The following SEMA3E variants were observed in gnomAD, a reference collection of about 807,000 sequenced individuals.
The protein encoded by SEMA3E is semaphorin-3E.
In SEMA3E, 49 loss-of-function variants were observed where a neutral mutation model predicts 93.6. That is an observed-to-expected ratio of 0.52 (90% CI 0.42 to 0.66). SEMA3E has a LOEUF of 0.66. Among genes scored for constraint, SEMA3E ranks in the 30% least tolerant of loss-of-function variants. The pLI is 0.00. For synonymous variants in SEMA3E, 363 were observed against 330.7 expected, an observed-to-expected ratio of 1.10 and a Z score of -1.06; for missense variants, 906 against 964.8, an observed-to-expected ratio of 0.94 and a Z score of 0.81.
At chr7:83,593,262 C>CTCTCTG (rs141583106) in intron 1 of SEMA3E, among the ~76,000 whole-genome samples, 19 of 95,678 alleles carry the variant, frequency 2.0e-4, no homozygotes, top group African/African-American at 8.9e-4. Context: ...CTCTCTCTGT[C>CTCTCTG]TCTCTCTCTC....
chr7:83,508,976 T>C (rs1790758496), intron 1 of SEMA3E, among the ~76,000 whole-genome samples: 1 of 152,148 alleles, frequency 6.6e-6, no homozygotes, highest in South Asian at 2.1e-4. Flanking sequence ...GGGTTTAATC[T>C]AATGGGCAAG....
chr7:83,497,491 A>G (rs1039152222), intron 1 of SEMA3E, among the ~76,000 whole-genome samples: 2 of 152,184 alleles, frequency 1.3e-5, no homozygotes, highest in Non-Finnish European at 2.9e-5. Flanking sequence ...AATTTCAGTC[A>G]GTAAGCATTG....
At position 83,595,161 on chromosome 7, in the gene SEMA3E, A is replaced by G. The variant is rs181300085; in HGVS notation, c.115+53267T>C. On this transcript the variant is annotated intron_variant, in intron 1 of 16. Coordinates refer to ENST00000643230, the MANE Select transcript of SEMA3E (RefSeq NM_012431.3). ...ATGACATCTTGATTGAGCATCGCCTACTTTCAAGATTTCTTCTTTTAAATA... is the reference window on the plus strand; with the variant it reads ...ATGACATCTTGATTGAGCATCGCCTGCTTTCAAGATTTCTTCTTTTAAATA... 2.0e-5 allele frequency among the ~76,000 whole-genome samples: 3 copies of G among 152,182 alleles called. No homozygotes were observed. The East Asian group carries it at 5.8e-4, about 29-fold the overall frequency.
At chr7:83,621,736 T>C (rs573519669) in intron 1 of SEMA3E, among the ~76,000 whole-genome samples, 1 of 152,242 alleles carries the variant, frequency 6.6e-6, no homozygotes, top group South Asian at 2.1e-4. Flanking sequence ...AAACAAGCAA[T>C]GGAGAAAGGA....
chr7:83,421,575 T>C (rs922797761), intron 4 of SEMA3E, among the ~76,000 whole-genome samples: 3 of 142,014 alleles, frequency 2.1e-5, no homozygotes, highest in Admixed American at 7.0e-5. Context: ...CATCATGATA[T>C]TGCTCAATTT....
intron 1 of SEMA3E, among the ~76,000 whole-genome samples, chr7:83,513,864 G>A (rs528879075): frequency 2.6e-5 from 4 of 152,204 alleles, no homozygotes; most frequent in African/African-American, 9.6e-5. Flanking sequence ...ATTGTCAGAG[G>A]CATGTGATCC....
intron 4 of SEMA3E, among the ~76,000 whole-genome samples, chr7:83,429,888 CTT>C (rs1788847683): frequency 6.6e-6 from 1 of 151,878 alleles, no homozygotes; most frequent in Non-Finnish European, 1.5e-5. Context: ...TTAAAAATGA[CTT>C]TGCTGGAAAA....
At chr7:83,430,566 C>A (rs772170697) in intron 4 of SEMA3E, among the ~76,000 whole-genome samples, 2 of 152,126 alleles carry the variant, frequency 1.3e-5, no homozygotes, top group Non-Finnish European at 2.9e-5. Context: ...CCCTTAGCAA[C>A]CTAAGACAGG....
intron 1 of SEMA3E, among the ~76,000 whole-genome samples, chr7:83,566,215 T>C (rs1399736663): frequency 1.3e-5 from 2 of 149,868 alleles, no homozygotes; most frequent in Non-Finnish European, 3.0e-5. Context: ...ACCGTGCTGG[T>C]CAGGATTGTC....
chr7:83,573,125 C>A (rs1376921551), intron 1 of SEMA3E, among the ~76,000 whole-genome samples: 2 of 151,960 alleles, frequency 1.3e-5, no homozygotes, highest in Non-Finnish European at 2.9e-5. Flanking sequence ...AGCCTACAGA[C>A]AGAAAATATT....
At chr7:83,619,436 A>G (rs1386616445) in intron 1 of SEMA3E, among the ~76,000 whole-genome samples, 1 of 151,952 alleles carries the variant, frequency 6.6e-6, no homozygotes, top group Non-Finnish European at 1.5e-5. Flanking sequence ...ATTGACTTTT[A>G]TATTGTATCA....
At chr7:83,593,736 T>C (rs968463459) in intron 1 of SEMA3E, among the ~76,000 whole-genome samples, 1 of 151,740 alleles carries the variant, frequency 6.6e-6, no homozygotes, top group African/African-American at 2.4e-5. Context: ...TATGGAGAAA[T>C]CCAACAAGCA....
chr7:83,509,795 A>C (rs1172396744), intron 1 of SEMA3E, among the ~76,000 whole-genome samples: 2 of 152,202 alleles, frequency 1.3e-5, no homozygotes, highest in Admixed American at 6.5e-5. Flanking sequence ...AATGTGACAA[A>C]GATTGAGAAC....
chr7:83,457,948 A>G (rs2115844663), intron 4 of SEMA3E, among the ~76,000 whole-genome samples: 1 of 152,162 alleles, frequency 6.6e-6, no homozygotes, highest in Admixed American at 6.6e-5. Context: ...TAATTCCCTC[A>G]TGTAAAATTG....
chr7:83,619,953 A>G (rs977768271), intron 1 of SEMA3E, among the ~76,000 whole-genome samples: 33 of 147,602 alleles, frequency 2.2e-4, no homozygotes, highest in Non-Finnish European at 4.4e-4. Flanking sequence ...ATGCAAAACC[A>G]TGTTTGCTCT....
chr7:83,454,272 A>AAAAAAATATATAT (rs1257792756), intron 4 of SEMA3E, among the ~76,000 whole-genome samples: 3 of 110,136 alleles, frequency 2.7e-5, no homozygotes, highest in African/African-American at 1.3e-4. Flanking sequence ...AAAAAAAAAA[A>AAAAAAATATATAT]ATATATATAT....
chr7:83,396,762 A>G, intron 11 of SEMA3E, 33 bp from the exon 12 acceptor site: 1 of 1,455,294 alleles, frequency 6.9e-7, no homozygotes. Context: ...ATAAACTAGA[A>G]TCTATGTCAC....
chr7:83,456,401 T>A (rs73174515), intron 4 of SEMA3E, among the ~76,000 whole-genome samples: 17,727 of 152,110 alleles, frequency 0.12, 1,088 homozygotes, highest in Non-Finnish European at 0.14. Flanking sequence ...GCAGGGACAC[T>A]CATTTTATTC....
Position 83,625,164 on chromosome 7 carries a change from C to G in SEMA3E, c.115+23264G>C, listed in dbSNP as rs189749677. Among the ~76,000 whole-genome samples, 34 of 152,244 alleles carry G rather than the reference C, an allele frequency of 2.2e-4. 1 individual carries two copies. In the East Asian group the frequency reaches 6.2e-3, roughly 28 times the overall value. On this transcript the variant is annotated intron_variant, in intron 1 of 16. Coordinates refer to ENST00000643230, the MANE Select transcript of SEMA3E (RefSeq NM_012431.3). ...AGTTTGAAGTCAGGTAGCGTGATGC[C>G]TCCAGCTTTGTTCTTTTTGCTTAGG...
Sources: allele counts gnomAD v4.1 joint callset (sites outside exome capture counted in the v4.1 genomes callset), GRCh38; gene constraint gnomAD v4.1.1; transcripts MANE v1.5; gene names NCBI Gene and HGNC (gene_info 2026-07-23, HGNC 2026-07-21).